PVT1: variants seen among roughly 807,000 people sequenced by gnomAD.
PVT1 encodes Pvt1 oncogene.
At chr8:127,897,372 A>G (rs1282374062) in intron 3 of PVT1, among the ~76,000 whole-genome samples, 1 of 152,180 alleles carries the variant, frequency 6.6e-6, no homozygotes, top group Non-Finnish European at 1.5e-5. Flanking sequence ...TGATAAAGTT[A>G]GAAAATGATT....
In PVT1 at chr8:127,946,097, T is replaced by C. The variant is rs188765329; in HGVS notation, n.783-43065T>C. Among the ~76,000 whole-genome samples, 9 of 152,298 alleles carry C rather than the reference T, an allele frequency of 5.9e-5. No individual in the cohort carries two copies. In the East Asian group the frequency reaches 1.7e-3, roughly 29 times the overall value. On this transcript the variant is annotated intron_variant and non_coding_transcript_variant, in intron 3 of 10. Coordinates refer to ENST00000651587, the Ensembl canonical transcript of PVT1. ...TGGAGTGCAGACCCAGGAAAAACAC[T>C]GCAGGCCAAATTGCTTCTGGTCTGT...
chr8:127,874,908 G>C (rs1278114063), intron 2 of PVT1, among the ~76,000 whole-genome samples: 3 of 98,304 alleles, frequency 3.1e-5, no homozygotes, highest in Non-Finnish European at 5.6e-5. Context: ...CTCCAGGTGT[G>C]TGTGTGTGTG....
At chr8:127,953,055 C>T (rs570804280) in intron 3 of PVT1, among the ~76,000 whole-genome samples, 29 of 152,366 alleles carry the variant, frequency 1.9e-4, no homozygotes, top group South Asian at 8.3e-4. Context: ...TGAGCCACCG[C>T]GTCCGGCCCG....
intron 5 of PVT1, among the ~76,000 whole-genome samples, chr8:128,076,541 G>C (rs1814091990): frequency 6.6e-6 from 1 of 152,110 alleles, no homozygotes. Flanking sequence ...AAGGCAGTAT[G>C]ATGATGGGAA....
At chr8:127,869,425 T>C (rs1410878638) in intron 2 of PVT1, among the ~76,000 whole-genome samples, 4 of 152,150 alleles carry the variant, frequency 2.6e-5, no homozygotes, top group African/African-American at 9.7e-5. Context: ...GCCACCACGC[T>C]TGGCCTATTT....
chr8:127,932,788 G>GTACA (rs1215931396), intron 3 of PVT1: 1 of 304,132 alleles, frequency 3.3e-6, no homozygotes, highest in Non-Finnish European at 6.0e-6. Context: ...ATCTCTGACT[G>GTACA]TACATACATA....
chr8:128,025,378 G>A (rs72720880), intron 4 of PVT1, among the ~76,000 whole-genome samples: 17,384 of 152,180 alleles, frequency 0.11, 2,937 homozygotes, highest in African/African-American at 0.37. Flanking sequence ...ACCATCACCT[G>A]ATGTACCCAG....
At chr8:128,083,961 T>C (rs1814223158) in intron 5 of PVT1, among the ~76,000 whole-genome samples, 1 of 152,220 alleles carries the variant, frequency 6.6e-6, no homozygotes. Flanking sequence ...TAGCAAATCC[T>C]ATGGAACAAA....
At chr8:128,070,067 G>A (rs149390149) in intron 4 of PVT1, 3 of 152,164 alleles carry the variant, frequency 2.0e-5, no homozygotes, top group Admixed American at 1.3e-4. Flanking sequence ...TCCCTGTCTT[G>A]TTCTGATTGG....
At chr8:127,934,673 G>A (rs1309633534) in intron 3 of PVT1, among the ~76,000 whole-genome samples, 1 of 152,140 alleles carries the variant, frequency 6.6e-6, no homozygotes, top group African/African-American at 2.4e-5. Flanking sequence ...TTGTTTACAT[G>A]TTCCCTTCAT....
At chr8:127,861,579 A>G (rs965112238) in intron 2 of PVT1, among the ~76,000 whole-genome samples, 7 of 151,380 alleles carry the variant, frequency 4.6e-5, no homozygotes, top group African/African-American at 1.7e-4. Context: ...TTTAACTTAT[A>G]TTATGACCAT....
chr8:127,814,623 GAC>G (rs1814639186), intron 2 of PVT1, among the ~76,000 whole-genome samples: 1 of 152,230 alleles, frequency 6.6e-6, no homozygotes, highest in African/African-American at 2.4e-5. Flanking sequence ...TTGAGGCACA[GAC>G]AGTTTATTTT....
chr8:127,923,983 A>G (rs1292432402), intron 3 of PVT1, among the ~76,000 whole-genome samples: 1 of 152,248 alleles, frequency 6.6e-6, no homozygotes, highest in African/African-American at 2.4e-5. Flanking sequence ...TGCTCGGGGC[A>G]GGAGACAAAA....
At chr8:128,041,219 G>T (rs1300538987) in intron 4 of PVT1, among the ~76,000 whole-genome samples, 8 of 82,036 alleles carry the variant, frequency 9.8e-5, no homozygotes, top group Middle Eastern at 8.1e-3. Flanking sequence ...GTGTGTTTGT[G>T]TGTGTGCATG....
Position 128,087,038 on chromosome 8 carries a change from C to T in PVT1, n.1115-9480C>T, listed in dbSNP as rs190588344. On this transcript the variant is annotated intron_variant and non_coding_transcript_variant, in intron 5 of 10. Transcript: ENST00000651587. The stretch of plus-strand genomic sequence containing the variant: ...ATGCAGCGTCTTTGCTTAGGTTGCA[C>T]GATCAGTGCCCAATATTGTTTACTG... Among the ~76,000 whole-genome samples, 1,122 of 152,354 alleles carry T rather than the reference C, an allele frequency of 7.4e-3. 18 individuals are homozygous for T. Among genetic ancestry groups the T allele is most frequent in the African/African-American group, 0.026 (1,075 of 41,574 alleles).
In PVT1 at chr8:127,815,201, A is replaced by G. The variant is rs190160719; in HGVS notation, n.372+19130A>G. 2.2e-3 allele frequency among the ~76,000 whole-genome samples: 331 copies of G among 152,282 alleles called. 1 individual carries two copies. Among genetic ancestry groups the G allele is most frequent in the Admixed American group, 5.4e-3 (82 of 15,288 alleles). On this transcript the variant is annotated intron_variant and non_coding_transcript_variant, in intron 2 of 10. Transcript: ENST00000651587. ...AGGCTGGTCTCAAACTCCTGACCTCAGGTGATCCACCCTCCTCGGCCTCCC... is the reference window on the plus strand; with the variant it reads ...AGGCTGGTCTCAAACTCCTGACCTCGGGTGATCCACCCTCCTCGGCCTCCC...
chr8:128,075,018 C>A (rs1401749334), intron 5 of PVT1, among the ~76,000 whole-genome samples: 1 of 152,230 alleles, frequency 6.6e-6, no homozygotes, highest in Non-Finnish European at 1.5e-5. Flanking sequence ...TTACAAACTG[C>A]AAACTATCCG....
At chr8:128,053,621 C>T (rs1034603598) in intron 4 of PVT1, among the ~76,000 whole-genome samples, 1 of 152,080 alleles carries the variant, frequency 6.6e-6, no homozygotes, top group Non-Finnish European at 1.5e-5. Context: ...AATCCCTTGC[C>T]CCTCAGTGGA....
intron 4 of PVT1, among the ~76,000 whole-genome samples, chr8:128,069,467 G>C (rs2608047): frequency 0.24 from 36,139 of 152,104 alleles, 4,526 homozygotes; most frequent in East Asian, 0.39. Context: ...GCACTCAGGG[G>C]TCAGAGCAGG....
Sources: gnomAD v4.1 joint callset for allele counts (sites outside exome capture counted in the v4.1 genomes callset) on GRCh38, gnomAD v4.1.1 for gene constraint, MANE v1.5 for transcripts, NCBI Gene and HGNC (gene_info 2026-07-23, HGNC 2026-07-21) for gene names.